The following GMDS variants were observed in gnomAD, a reference collection of about 807,000 sequenced individuals.
GMDS encodes GDP-mannose 4,6 dehydratase.
Under a neutral mutation model 49.9 loss-of-function variants are expected in GMDS, and 20 were observed. That is an observed-to-expected ratio of 0.40 (90% confidence interval 0.28 to 0.58). The LOEUF (loss-of-function observed/expected upper bound fraction) is 0.58. Among genes scored for constraint, GMDS ranks in the 20% least tolerant of loss-of-function variants. The pLI, the probability that GMDS is intolerant of heterozygous loss-of-function variation, is 0.42. For synonymous variants in GMDS, 177 were observed against 178.6 expected (o/e 0.99, Z 0.07); for missense variants, 362 against 481.4 (o/e 0.75, Z 2.32).
intron 1 of GMDS, among the ~76,000 whole-genome samples, chr6:2,241,924 C>T (rs1781632288): frequency 6.6e-6 from 1 of 152,174 alleles, no homozygotes; most frequent in African/African-American, 2.4e-5. Context: ...TGCAGACATG[C>T]AGTGAAGATG....
At chr6:1,806,192 G>C (rs1169234215) in intron 7 of GMDS, among the ~76,000 whole-genome samples, 3 of 152,138 alleles carry the variant, frequency 2.0e-5, no homozygotes, top group African/African-American at 7.2e-5. Flanking sequence ...GTCCAATTTA[G>C]TCCCTCATAC....
chr6:1,807,521 TC>T, intron 7 of GMDS, among the ~76,000 whole-genome samples: 2 of 152,332 alleles, frequency 1.3e-5, no homozygotes, highest in Admixed American at 1.3e-4. Flanking sequence ...AGAAACTGTG[TC>T]CATTTTTCAC....
chr6:1,783,621 C>T (rs1172288833), intron 7 of GMDS, among the ~76,000 whole-genome samples: 1 of 152,178 alleles, frequency 6.6e-6, no homozygotes, highest in Non-Finnish European at 1.5e-5. Context: ...TTAACCTTTC[C>T]TTGTTCCTTA....
intron 4 of GMDS, among the ~76,000 whole-genome samples, chr6:2,082,144 T>C (rs976291377): frequency 6.6e-6 from 1 of 152,142 alleles, no homozygotes; most frequent in Non-Finnish European, 1.5e-5. Flanking sequence ...AAAAGACACA[T>C]GATACGTGTT....
At chr6:1,961,000 A>C in intron 4 of GMDS, 34 bp from the exon 5 acceptor site, 1 of 1,319,570 alleles carries the variant, frequency 7.6e-7, no homozygotes. Context: ...GGCTGCATTA[A>C]TAGCTTCATA....
chr6:2,242,389 T>C (rs536295815), intron 1 of GMDS, among the ~76,000 whole-genome samples: 1 of 152,300 alleles, frequency 6.6e-6, no homozygotes, highest in East Asian at 1.9e-4. Flanking sequence ...TTAATAAGGT[T>C]CCCACTTTGG....
chr6:2,152,145 C>T (rs1001144065), intron 1 of GMDS, among the ~76,000 whole-genome samples: 1 of 152,068 alleles, frequency 6.6e-6, no homozygotes, highest in African/African-American at 2.4e-5. Context: ...TTTTTTAGTT[C>T]CTTATACTTT....
At chr6:1,626,832 C>A (rs1762861345) in intron 9 of GMDS, among the ~76,000 whole-genome samples, 1 of 152,156 alleles carries the variant, frequency 6.6e-6, no homozygotes, top group African/African-American at 2.4e-5. Flanking sequence ...TAAAAACAAC[C>A]AGGGAACTAC....
intron 1 of GMDS, among the ~76,000 whole-genome samples, chr6:2,219,413 T>C (rs1227970056): frequency 6.6e-6 from 1 of 152,214 alleles, no homozygotes. Flanking sequence ...ACTTACTATA[T>C]GGACGATATT....
intron 9 of GMDS, among the ~76,000 whole-genome samples, chr6:1,630,413 T>C (rs1762964101): frequency 6.6e-6 from 1 of 152,222 alleles, no homozygotes; most frequent in African/African-American, 2.4e-5. Context: ...TGCCTGGCCT[T>C]TGACTGGGAC....
chr6:1,797,739 C>T (rs1769795192), intron 7 of GMDS, among the ~76,000 whole-genome samples: 2 of 152,166 alleles, frequency 1.3e-5, no homozygotes, highest in African/African-American at 2.4e-5. Context: ...GGTATCTGAA[C>T]CCAGGAAGCT....
intron 9 of GMDS, among the ~76,000 whole-genome samples, chr6:1,690,960 A>G (rs1765148722): frequency 6.6e-6 from 1 of 152,216 alleles, no homozygotes; most frequent in African/African-American, 2.4e-5. Context: ...GCAATTTCTC[A>G]AAGACCTAGA....
chr6:1,808,900 C>CTGTGTGTG (rs1266048137), intron 7 of GMDS, among the ~76,000 whole-genome samples: 40 of 120,332 alleles, frequency 3.3e-4, no homozygotes, highest in African/African-American at 1.6e-3. Flanking sequence ...AGTGCATGCT[C>CTGTGTGTG]TCTCTGTGTG....
intron 7 of GMDS, among the ~76,000 whole-genome samples, chr6:1,830,130 A>G (rs1236048253): frequency 6.6e-6 from 1 of 152,216 alleles, no homozygotes. Context: ...CCTCAGTTAT[A>G]CTAGCCAAAT....
intron 7 of GMDS, among the ~76,000 whole-genome samples, chr6:1,894,420 ATTCC>A (rs1330492516): frequency 1.2e-4 from 19 of 152,206 alleles, no homozygotes; most frequent in Non-Finnish European, 2.6e-4. Context: ...ATGGAAAATT[ATTCC>A]TTCCTTAAGT....
intron 4 of GMDS, among the ~76,000 whole-genome samples, chr6:2,071,441 G>T (rs965208952): frequency 3.3e-5 from 5 of 151,816 alleles, no homozygotes; most frequent in Non-Finnish European, 5.9e-5. Context: ...CCCATGTGAC[G>T]TACTAGATAA....
chr6:2,170,608 C>A lies in GMDS; in HGVS notation c.103-45877G>T, dbSNP rs557887596. Reference sequence around the variant, plus strand: ...CACCACTGCATTCCAGCCTGGGTGACAGAGTGTGACCCTGCCTTAAAAAAA... The same window carrying A: ...CACCACTGCATTCCAGCCTGGGTGAAAGAGTGTGACCCTGCCTTAAAAAAA... On this transcript the variant is annotated intron_variant, in intron 1 of 10. Coordinates refer to ENST00000380815, the MANE Select transcript of GMDS (RefSeq NM_001500.4). 2.3e-4 allele frequency among the ~76,000 whole-genome samples: 35 copies of A among 149,766 alleles called. 2 individuals are homozygous for A. The South Asian group carries it at 6.6e-3, about 28-fold the overall frequency.
intron 7 of GMDS, among the ~76,000 whole-genome samples, chr6:1,916,086 A>G (rs1393216639): frequency 6.6e-6 from 1 of 152,238 alleles, no homozygotes; most frequent in Non-Finnish European, 1.5e-5. Context: ...TTACTGGTGT[A>G]AAAACTGTCA....
chr6:2,235,399 G>A (rs9378688), intron 1 of GMDS, among the ~76,000 whole-genome samples: 15,368 of 152,150 alleles, frequency 0.1, 940 homozygotes, highest in Middle Eastern at 0.22. Context: ...CAGGGACAAT[G>A]CCTAATTCAT....
Sources: allele counts gnomAD v4.1 joint callset (sites outside exome capture counted in the v4.1 genomes callset), GRCh38; gene constraint gnomAD v4.1.1; transcripts MANE v1.5; gene names NCBI Gene and HGNC (gene_info 2026-07-23, HGNC 2026-07-21).